Variants in GEN1 observed in about 807,000 individuals in gnomAD.
GEN1 encodes GEN1 structure-specific endonuclease, also known as flap endonuclease GEN homolog 1.
A neutral mutation model predicts 67.6 loss-of-function variants in GEN1; 64 were observed. The ratio of observed to expected loss-of-function variants is 0.95; its 90% CI spans 0.77 to 1.17. GEN1 has a LOEUF of 1.17. Among genes scored for constraint, GEN1 ranks in the 50% most tolerant of loss-of-function variants. The probability of loss-of-function intolerance (pLI) is 0.00; values close to 1 mark genes in which losing one functional copy is unlikely to be tolerated. For synonymous variants in GEN1, 371 were observed against 359.4 expected, an observed-to-expected ratio of 1.03 and a Z score of -0.37; for missense variants, 1,058 against 1,048.3, an observed-to-expected ratio of 1.01 and a Z score of -0.13.
In GEN1 at chr2:17,778,064, G is replaced by T. The variant is rs773532103; in HGVS notation, c.1264+1G>T. The T allele has an allele frequency of 5.4e-5, 85 of 1,576,286 alleles. No homozygotes were observed. Among genetic ancestry groups the T allele is most frequent in the Non-Finnish European group, 2.4e-5 (28 of 1,148,688 alleles). Reference sequence around the variant, plus strand: ...TTTGAAATAGAATGGGAAAAGCCTGGTATGTATTCACTTTAAGCAAAATAT... The same window carrying T: ...TTTGAAATAGAATGGGAAAAGCCTGTTATGTATTCACTTTAAGCAAAATAT... On this transcript the variant is annotated splice_donor_variant, in intron 12 of 13. Transcript: ENST00000381254. LOFTEE classifies it high-confidence loss of function.
At chr2:17,759,826 C>T in intron 1 of GEN1, 103 bp from the exon 2 acceptor site, 1 of 940,220 alleles carries the variant, frequency 1.1e-6, no homozygotes, top group Non-Finnish European at 1.6e-6. Flanking sequence ...AAGGAATATC[C>T]TCTATGAATT....
rs984797130 is a variant in GEN1, at chr2:17,784,397, T to C, written c.*2458T>C. The C allele has an allele frequency of 6.6e-6, 1 of 152,158 alleles. No individual in the cohort carries two copies. The highest frequency in any genetic ancestry group is 2.1e-4 in the South Asian group (1 of 4,814). 9.4% of individuals were successfully genotyped at this position (152,158 alleles called of 1,614,324 possible). The stretch of plus-strand genomic sequence containing the variant: ...AATGGGGCAGCCACTTTGGAAAAAG[T>C]CTGGTAGTTCTTCAAATGGTTAAAT... On this transcript the variant is annotated 3_prime_UTR_variant, in exon 14 of 14. Coordinates refer to ENST00000381254, the MANE Select transcript of GEN1 (RefSeq NM_001130009.3).
At chr2:17,777,133 ATAATT>A (rs1298046014) in intron 11 of GEN1, among the ~76,000 whole-genome samples, 1 of 152,106 alleles carries the variant, frequency 6.6e-6, no homozygotes, top group Admixed American at 6.6e-5. Flanking sequence ...AAAAAAAAGG[ATAATT>A]TATTTTTTAA....
intron 8 of GEN1, 102 bp from the exon 9 acceptor site, chr2:17,772,994 A>C (rs1672265102): frequency 1.2e-6 from 1 of 864,310 alleles, no homozygotes; most frequent in African/African-American, 1.7e-5. Context: ...GGGATACTGT[A>C]AATTCACATT....
At chr2:17,762,691 A>G (rs1457081140) in intron 3 of GEN1, among the ~76,000 whole-genome samples, 1 of 152,136 alleles carries the variant, frequency 6.6e-6, no homozygotes, top group Non-Finnish European at 1.5e-5. Flanking sequence ...CCCTGATTGT[A>G]TATGTTATTT....
At position 17,783,784 on chromosome 2, in the gene GEN1, A is replaced by G. The variant is rs566930822; in HGVS notation, c.*1845A>G. On this transcript the variant is annotated 3_prime_UTR_variant, in exon 14 of 14. Transcript: ENST00000381254. ...TTTGAACCAACTGTCTTCTGGATCT[A>G]TTGGATATCTATGTAAAAAAGAGTG... 10 of 152,372 alleles carry G rather than the reference A, an allele frequency of 6.6e-5. No homozygotes were observed. The Middle Eastern group carries it at 0.01, about 155-fold the overall frequency. The allele number at this position is 152,372 out of a possible 1,614,324, so 9.4% of individuals were successfully genotyped here.
chr2:17,758,377 A>C (rs1231297153), intron 1 of GEN1, among the ~76,000 whole-genome samples: 1 of 152,240 alleles, frequency 6.6e-6, no homozygotes, highest in South Asian at 2.1e-4. Flanking sequence ...CAAAACTGTC[A>C]ATAACTTTCT....
At position 17,761,378 on chromosome 2, in the gene GEN1, C is replaced by A. The variant is rs112886915; in HGVS notation, c.162-18C>A. On this transcript the variant is annotated intron_variant, in intron 2 of 13. Coordinates refer to ENST00000381254, the MANE Select transcript of GEN1 (RefSeq NM_001130009.3). ...TCAGTGTTTGATGATTAATGTATTA[C>A]TAATTTATATATTTCAGGAACTTAT... is the stretch of plus-strand genomic sequence containing the variant. 1.5e-6 allele frequency: 2 copies of A among 1,359,622 alleles called. No individual in the cohort carries two copies. The highest frequency in any genetic ancestry group is 1.2e-5 in the South Asian group (1 of 81,002). 84.2% of individuals were successfully genotyped at this position (1,359,622 alleles called of 1,614,324 possible).
At chr2:17,777,472 A>G (rs1049034433) in intron 11 of GEN1, among the ~76,000 whole-genome samples, 2 of 152,184 alleles carry the variant, frequency 1.3e-5, no homozygotes, top group Admixed American at 6.5e-5. Context: ...AGGCAGAAGG[A>G]AGATGGAAGT....
rs1264283872 is a variant in GEN1, at chr2:17,761,412, A to G, written c.178A>G (p.Ile60Val). The stretch of plus-strand genomic sequence containing the variant: ...ATATTTCAGGAACTTATTTTTTCGT[A>G]TCTCATATTTAACACAAATGGATGT... ...KPHLRNLFFR[I>V]SYLTQMDVKL... is the part of the protein sequence containing the mutation. The change falls in exon 3 of 14, where the codon ATC (isoleucine) becomes GTC (valine). Residue 60 changes from isoleucine (I) to valine (V), a missense_variant. By Grantham distance (29) the Ile-to-Val change is conservative. Transcript: ENST00000381254. The G allele has an allele frequency of 8.2e-6, 13 of 1,582,408 alleles. No homozygotes were observed. The East Asian group carries it at 2.9e-4, about 35-fold the overall frequency.
chr2:17,770,628 A>G (rs1233064766), intron 6 of GEN1, among the ~76,000 whole-genome samples: 12 of 152,276 alleles, frequency 7.9e-5, no homozygotes, highest in Non-Finnish European at 1.8e-4. Flanking sequence ...TTATAGTACT[A>G]TACATTTTTC....
intron 1 of GEN1, chr2:17,754,705 T>C (rs1411969255): frequency 1.3e-5 from 2 of 152,310 alleles, no homozygotes; most frequent in Non-Finnish European, 2.9e-5. Context: ...ATAGGCACAG[T>C]TGGGTGTTCC....
At chr2:17,774,797 G>C (rs1171663495) in intron 11 of GEN1, among the ~76,000 whole-genome samples, 1 of 151,808 alleles carries the variant, frequency 6.6e-6, no homozygotes, top group African/African-American at 2.4e-5. Flanking sequence ...AAAAAATGGG[G>C]ACCAAAAGTG....
chr2:17,775,809 ATAC>A (rs1231500423), intron 11 of GEN1, among the ~76,000 whole-genome samples: 1 of 152,206 alleles, frequency 6.6e-6, no homozygotes, highest in Admixed American at 6.5e-5. Flanking sequence ...ACTGAGAAAG[ATAC>A]TACATTATCA....
chr2:17,769,773 A>G (rs1672101285), intron 6 of GEN1, among the ~76,000 whole-genome samples: 1 of 152,136 alleles, frequency 6.6e-6, no homozygotes, highest in Admixed American at 6.5e-5. Context: ...CACATGAATT[A>G]TATTTGCTGA....
intron 5 of GEN1, among the ~76,000 whole-genome samples, chr2:17,768,292 C>T (rs924701074): frequency 6.6e-6 from 1 of 152,132 alleles, no homozygotes; most frequent in Non-Finnish European, 1.5e-5. Flanking sequence ...TAACTTAAAA[C>T]GTTCCTTCGT....
rs1390737289 is a variant in GEN1, at chr2:17,764,963, T to G, written c.415T>G (p.Cys139Gly). ...GGCTGCTGGGGAAGCTGAAGCCATG[T>G]GTGCTTATCTCAATGCTGGTGGTCA... ...VQAAGEAEAMCAYLNAGGHVD... is the reference protein window; with the variant it reads ...VQAAGEAEAMGAYLNAGGHVD... The change falls in exon 4 of 14, where the codon TGT becomes GGT. Residue 139 changes from cysteine (C) to glycine (G), a missense_variant. Coordinates refer to ENST00000381254, the MANE Select transcript of GEN1 (RefSeq NM_001130009.3). 7 of 1,614,156 alleles carry G rather than the reference T, an allele frequency of 4.3e-6. No homozygotes were observed. Among genetic ancestry groups the G allele is most frequent in the Non-Finnish European group, 5.9e-6 (7 of 1,180,002 alleles).
intron 5 of GEN1, among the ~76,000 whole-genome samples, chr2:17,767,795 T>C (rs539774877): frequency 7.2e-5 from 11 of 152,234 alleles, no homozygotes; most frequent in Non-Finnish European, 1.5e-4. Flanking sequence ...TGTATTTACA[T>C]TGTTCTACTT....
In GEN1 at chr2:17,780,806, C is replaced by T; in HGVS notation, c.1594C>T (p.Pro532Ser). 6.2e-7 allele frequency: 1 copy of T among 1,613,930 alleles called. No homozygotes were observed. Among genetic ancestry groups the T allele is most frequent in the Non-Finnish European group, 8.5e-7 (1 of 1,179,916 alleles). ...ISASLNSLLL[P>S]KNTPCLNAQE... ...TGCCTCATTGAATAGCTTGCTTTTA[C>T]CTAAAAATACTCCATGTTTGAATGC... The change falls in exon 14 of 14, where the codon CCT (proline) becomes TCT (serine). Residue 532 changes from proline to serine, a missense_variant. By Grantham distance (74) the Pro-to-Ser change is moderately conservative. Transcript: ENST00000381254.
Sources: gnomAD v4.1 joint callset for allele counts (sites outside exome capture counted in the v4.1 genomes callset) on GRCh38, gnomAD v4.1.1 for gene constraint, MANE v1.5 for transcripts, NCBI Gene and HGNC (gene_info 2026-07-23, HGNC 2026-07-21) for gene names.